DOCK5: variants seen among roughly 807,000 people sequenced by gnomAD.
DOCK5 encodes dedicator of cytokinesis 5.
In DOCK5, 142 loss-of-function variants were observed where a neutral mutation model predicts 251.8. The ratio of observed to expected loss-of-function variants is 0.56; its 90% CI spans 0.49 to 0.65. The LOEUF (loss-of-function observed/expected upper bound fraction) is 0.65, where lower values mean the gene tolerates loss of function less well. Ranked by LOEUF, DOCK5 falls within the 30% of genes least tolerant of loss-of-function variation. The pLI is 0.00. For synonymous variants in DOCK5, 842 were observed against 835.5 expected (o/e 1.01, Z -0.13); for missense variants, 2,111 against 2,312.3 (o/e 0.91, Z 1.79).
At chr8:25,375,190 C>T (rs2659583) in intron 37 of DOCK5, 74,191 of 182,338 alleles carry the variant, frequency 0.41, 15,524 homozygotes, top group Admixed American at 0.46. Context: ...TAACAGGAAC[C>T]TTTATTTCTC....
At chr8:25,215,932 TACACACACAC>T (rs199685009) in intron 1 of DOCK5, among the ~76,000 whole-genome samples, 3,941 of 141,258 alleles carry the variant, frequency 0.028, 68 homozygotes, top group South Asian at 0.039. Flanking sequence ...TGGAAATAAA[TACACACACAC>T]ACACACACAC....
chr8:25,238,940 T>C (rs1390302585), intron 1 of DOCK5, among the ~76,000 whole-genome samples: 1 of 152,190 alleles, frequency 6.6e-6, no homozygotes, highest in Non-Finnish European at 1.5e-5. Flanking sequence ...TTCTAATTGA[T>C]GGCAGACAAT....
rs774033229 is a variant in DOCK5, at chr8:25,395,511, G to T, written c.4528-32G>T. On this transcript the variant is annotated intron_variant, in intron 44 of 51. Transcript: ENST00000276440. ...CAGTCTTTACTTGGAGCTGACAAGT[G>T]TCCTCTTTCTCCCATGTGCTCTGTC... is the stretch of plus-strand genomic sequence containing the variant. 3 of 1,587,898 alleles carry T rather than the reference G, an allele frequency of 1.9e-6. No homozygotes were observed. The South Asian group carries it at 3.5e-5, about 18-fold the overall frequency.
Position 25,317,068 on chromosome 8 carries a change from G to A in DOCK5, c.1380G>A (p.Lys460=). 6.2e-7 allele frequency: 1 copy of A among 1,613,978 alleles called. No homozygotes were observed. Among genetic ancestry groups the A allele is most frequent in the Non-Finnish European group, 8.5e-7 (1 of 1,179,880 alleles). ...ACGGTGAGTTTGACAAAGGGAAGAA[G>A]AAGACGCCAAAGAATGTGGAGGTGA... The part of the protein sequence containing the change: ...LIHGEFDKGK[K]KTPKNVEVTM... Residue 460 remains lysine (K), a synonymous_variant, in exon 14 of 52, where the codon AAG becomes AAA. Coordinates refer to ENST00000276440, the MANE Select transcript of DOCK5 (RefSeq NM_024940.8).
At chr8:25,293,878 C>A (rs1041335067) in intron 6 of DOCK5, among the ~76,000 whole-genome samples, 9 of 152,156 alleles carry the variant, frequency 5.9e-5, no homozygotes, top group Non-Finnish European at 1.2e-4. Flanking sequence ...GTGGCATATG[C>A]CTGTAATCCC....
intron 45 of DOCK5, among the ~76,000 whole-genome samples, chr8:25,399,024 C>T (rs966730327): frequency 1.3e-5 from 2 of 152,070 alleles, no homozygotes; most frequent in East Asian, 1.9e-4. Context: ...GGGTTTGGCT[C>T]TCAAGGCATT....
intron 1 of DOCK5, among the ~76,000 whole-genome samples, chr8:25,226,377 CT>C (rs940694258): frequency 6.6e-6 from 1 of 150,472 alleles, no homozygotes; most frequent in African/African-American, 2.5e-5. Context: ...GTTTTCTTGC[CT>C]CAGCCTCCTG....
At chr8:25,380,817 A>AGCTCAGTGGAGGCAGCCACCATTCCGAAT (rs1801051570) in intron 39 of DOCK5, among the ~76,000 whole-genome samples, 2 of 151,422 alleles carry the variant, frequency 1.3e-5, no homozygotes, top group African/African-American at 4.9e-5. Context: ...CCATTCTGAA[A>AGCTCAGTGGAGGCAGCCACCATTCCGAAT]GCTCAGTGGA....
intron 2 of DOCK5, among the ~76,000 whole-genome samples, chr8:25,259,208 T>C (rs1284984437): frequency 6.6e-6 from 1 of 152,052 alleles, no homozygotes; most frequent in African/African-American, 2.4e-5. Context: ...TGCCTATGCG[T>C]GTGTGTTTTA....
At chr8:25,353,442 T>G (rs557475539) in intron 27 of DOCK5, among the ~76,000 whole-genome samples, 1 of 152,330 alleles carries the variant, frequency 6.6e-6, no homozygotes, top group South Asian at 2.1e-4. Context: ...TTAACTAGAC[T>G]AGTCCTACAT....
At chr8:25,281,380 A>C (rs1804187444) in intron 5 of DOCK5, among the ~76,000 whole-genome samples, 1 of 151,080 alleles carries the variant, frequency 6.6e-6, no homozygotes, top group Non-Finnish European at 1.5e-5. Flanking sequence ...CAGAGGTTGC[A>C]GTGAGCCAAG....
chr8:25,401,254 C>A (rs544481518), intron 47 of DOCK5, among the ~76,000 whole-genome samples, 188 bp downstream of exon 47: 156 of 152,244 alleles, frequency 1.0e-3, no homozygotes, highest in Non-Finnish European at 1.5e-3. Flanking sequence ...GTCAGAGGTT[C>A]TCCAACTTGA....
At chr8:25,189,543 T>A (rs1801522888) in intron 1 of DOCK5, among the ~76,000 whole-genome samples, 1 of 152,140 alleles carries the variant, frequency 6.6e-6, no homozygotes, top group African/African-American at 2.4e-5. Context: ...GTATTTTTTG[T>A]AGGGATGGAG....
chr8:25,265,553 CAT>C lies in DOCK5; in HGVS notation c.128-3289_128-3288del, dbSNP rs1360365351. On this transcript the variant is annotated intron_variant, in intron 2 of 51. Coordinates refer to ENST00000276440, the MANE Select transcript of DOCK5 (RefSeq NM_024940.8). ...TGCCATGTTACCAACCATTCTCTGC[CAT>C]ATTACTTTTCTTGAGCACTTCTTCC... Among the ~76,000 whole-genome samples, 30 of 151,926 alleles carry C rather than the reference CAT, an allele frequency of 2.0e-4. 1 individual carries two copies. The highest frequency in any genetic ancestry group is 3.4e-3 in the Middle Eastern group (1 of 294).
At position 25,356,083 on chromosome 8, in the gene DOCK5, C is replaced by T. The variant is rs189717203; in HGVS notation, c.2851-2880C>T. 4.6e-3 allele frequency among the ~76,000 whole-genome samples: 691 copies of T among 151,526 alleles called. 6 individuals carry two copies. Among genetic ancestry groups the T allele is most frequent in the African/African-American group, 0.016 (649 of 41,348 alleles). ...GTTGTGGTGATGCATGGCTGTAGTC[C>T]GAGCTATTGGGAGGCTGAGGCAGGG... On this transcript the variant is annotated intron_variant, in intron 27 of 51. Coordinates refer to ENST00000276440, the MANE Select transcript of DOCK5 (RefSeq NM_024940.8).
intron 22 of DOCK5, among the ~76,000 whole-genome samples, chr8:25,338,835 A>G (rs2468899): frequency 0.98 from 148,615 of 152,320 alleles, 72,599 homozygotes; most frequent in Middle Eastern, 1. Flanking sequence ...AAATTAAAAT[A>G]TATTTTCTTA....
chr8:25,275,451 A>G lies in DOCK5; in HGVS notation c.224+10A>G. The G allele has an allele frequency of 6.2e-7, 1 of 1,603,058 alleles. No homozygotes were observed. On this transcript the variant is annotated intron_variant, in intron 4 of 51. Coordinates refer to ENST00000276440, the MANE Select transcript of DOCK5 (RefSeq NM_024940.8). ...CTGTGGAAGACCTGGGGTAAGTTCC[A>G]AGCTAGGAAGATTCCCCAAAAATGA...
intron 1 of DOCK5, among the ~76,000 whole-genome samples, chr8:25,238,653 G>C (rs1802861452): frequency 6.6e-6 from 1 of 152,212 alleles, no homozygotes; most frequent in African/African-American, 2.4e-5. Flanking sequence ...CAAATGGATG[G>C]AGAAGTGATT....
At chr8:25,298,915 A>T (rs752481523) in intron 7 of DOCK5, 29 bp from the exon 8 acceptor site, 1 of 1,556,816 alleles carries the variant, frequency 6.4e-7, no homozygotes, top group South Asian at 1.2e-5. Flanking sequence ...CAAAATCAAG[A>T]TGTTTTTCTC....
Sources: allele counts gnomAD v4.1 joint callset (sites outside exome capture counted in the v4.1 genomes callset), GRCh38; gene constraint gnomAD v4.1.1; transcripts MANE v1.5; gene names NCBI Gene and HGNC (gene_info 2026-07-23, HGNC 2026-07-21).